The following NT5C2 variants were observed in gnomAD, a reference collection of about 807,000 sequenced individuals.
NT5C2 encodes the protein 5'-nucleotidase, cytosolic II.
Under a neutral mutation model 76.1 loss-of-function variants are expected in NT5C2, and 58 were observed. The observed-to-expected ratio is 0.76, with a 90% CI of 0.62 to 0.95. The LOEUF is 0.95. NT5C2 is among the 40% of genes least tolerant of loss of function. NT5C2 has a pLI of 0.00. For synonymous variants in NT5C2, 229 were observed against 237.4 expected (o/e 0.96, Z 0.32); for missense variants, 478 against 690.3 (o/e 0.69, Z 3.45).
intron 3 of NT5C2, among the ~76,000 whole-genome samples, chr10:103,150,960 T>C (rs940381842): frequency 6.6e-6 from 1 of 152,212 alleles, no homozygotes; most frequent in African/African-American, 2.4e-5. Context: ...ATTTTTTAAA[T>C]TTTGATGAAG....
chr10:103,171,845 G>T (rs1210498559), intron 3 of NT5C2, among the ~76,000 whole-genome samples: 1 of 151,976 alleles, frequency 6.6e-6, no homozygotes, highest in Admixed American at 6.6e-5. Context: ...GAATGCTTGA[G>T]CCCAGGCATT....
chr10:103,101,010 T>C (rs1269216879), intron 8 of NT5C2, 35 bp downstream of exon 8: 22 of 1,160,574 alleles, frequency 1.9e-5, no homozygotes, highest in Non-Finnish European at 2.8e-5. Flanking sequence ...ATTTTAAAAA[T>C]CAATTGGAAA....
At chr10:103,104,599 ACTGGC>A (rs1306347043) in intron 6 of NT5C2, among the ~76,000 whole-genome samples, 2 of 152,194 alleles carry the variant, frequency 1.3e-5, no homozygotes, top group African/African-American at 4.8e-5. Context: ...GGATGTAATC[ACTGGC>A]CTGCTCAGAT....
chr10:103,153,649 C>T (rs2082792465), intron 3 of NT5C2: 1 of 985,228 alleles, frequency 1.0e-6, no homozygotes, highest in South Asian at 4.7e-5. Flanking sequence ...ACAGAAAAAG[C>T]AAATTTACCC....
chr10:103,161,890 C>T (rs1033624803), intron 3 of NT5C2, among the ~76,000 whole-genome samples: 1 of 152,006 alleles, frequency 6.6e-6, no homozygotes, highest in Non-Finnish European at 1.5e-5. Context: ...GAGAGGGAAA[C>T]GTGGAGTGGA....
At chr10:103,127,918 T>C (rs2076974582) in intron 4 of NT5C2, among the ~76,000 whole-genome samples, 1 of 152,060 alleles carries the variant, frequency 6.6e-6, no homozygotes, top group South Asian at 2.1e-4. Context: ...GGTCTGGAAC[T>C]CCTGACCTCA....
chr10:103,139,505 T>A (rs376982566), intron 3 of NT5C2, 26 bp from the exon 4 acceptor site: 2 of 1,378,130 alleles, frequency 1.5e-6, no homozygotes, highest in Non-Finnish European at 1.0e-6. Context: ...AAAAATAATA[T>A]CTCAACACTG....
intron 4 of NT5C2, among the ~76,000 whole-genome samples, chr10:103,110,687 T>G (rs764704297): frequency 1.3e-5 from 2 of 152,234 alleles, no homozygotes; most frequent in Non-Finnish European, 1.5e-5. Flanking sequence ...CATCAAGCTC[T>G]ATTAATCAGT....
At chr10:103,187,955 G>C (rs1415074841) in intron 1 of NT5C2, among the ~76,000 whole-genome samples, 2 of 152,162 alleles carry the variant, frequency 1.3e-5, no homozygotes, top group Non-Finnish European at 2.9e-5. Context: ...CCCAAAATCA[G>C]AGCATAACAA....
At chr10:103,108,136 C>T (rs1261562526) in intron 4 of NT5C2, among the ~76,000 whole-genome samples, 1 of 151,986 alleles carries the variant, frequency 6.6e-6, no homozygotes, top group Admixed American at 6.6e-5. Flanking sequence ...GCCTTGGCGA[C>T]AGAGTGAGAC....
intron 3 of NT5C2, among the ~76,000 whole-genome samples, chr10:103,145,698 CTAAG>C (rs1398984310): frequency 6.6e-6 from 1 of 152,162 alleles, no homozygotes; most frequent in African/African-American, 2.4e-5. Context: ...TTCCAACATA[CTAAG>C]TCTTTGTAAG....
intron 3 of NT5C2, among the ~76,000 whole-genome samples, chr10:103,170,810 A>C (rs960132443): frequency 1.3e-5 from 2 of 152,104 alleles, no homozygotes; most frequent in Non-Finnish European, 2.9e-5. Flanking sequence ...TACAGGCGTG[A>C]ACCACCATGC....
At chr10:103,183,262 G>GATATATAGAT (rs2091429374) in intron 1 of NT5C2, among the ~76,000 whole-genome samples, 1 of 73,344 alleles carries the variant, frequency 1.4e-5, no homozygotes, top group African/African-American at 6.5e-5. Context: ...GTGTGTGTGT[G>GATATATAGAT]ATATATATAT....
At chr10:103,161,858 A>G (rs1166348055) in intron 3 of NT5C2, among the ~76,000 whole-genome samples, 20 of 152,214 alleles carry the variant, frequency 1.3e-4, no homozygotes, top group Admixed American at 1.3e-3. Flanking sequence ...AAAGTAAATT[A>G]GTGGCTGACA....
At chr10:103,178,276 A>T (rs575063734) in intron 2 of NT5C2, among the ~76,000 whole-genome samples, 54 of 152,352 alleles carry the variant, frequency 3.5e-4, no homozygotes, top group African/African-American at 1.3e-3. Context: ...GACCAGGCGC[A>T]GTGGCTCATG....
At chr10:103,143,610 T>TG (rs1189017213) in intron 3 of NT5C2, among the ~76,000 whole-genome samples, 1 of 133,070 alleles carries the variant, frequency 7.5e-6, no homozygotes, top group Admixed American at 7.7e-5. Flanking sequence ...CTATTTTTTT[T>TG]TTTTTTTTTT....
chr10:103,090,031 G>A (rs1400301700), intron 18 of NT5C2, 123 bp from the exon 19 acceptor site: 1 of 668,128 alleles, frequency 1.5e-6, no homozygotes, highest in Non-Finnish European at 2.4e-6. Flanking sequence ...CACAGGACAA[G>A]TCAATATAGA....
intron 12 of NT5C2, 101 bp downstream of exon 12, chr10:103,095,838 T>A (rs1005510215): frequency 2.2e-5 from 22 of 1,015,460 alleles, no homozygotes; most frequent in Non-Finnish European, 3.2e-5. Flanking sequence ...GTAGGACTTT[T>A]CTGGGTGGGT....
chr10:103,147,078 ATAAACG>A (rs2081599717), intron 3 of NT5C2, among the ~76,000 whole-genome samples: 1 of 152,208 alleles, frequency 6.6e-6, no homozygotes, highest in Non-Finnish European at 1.5e-5. Flanking sequence ...TTTTTATTTT[ATAAACG>A]TGTCCATTTG....
Sources: gnomAD v4.1 joint callset for allele counts (sites outside exome capture counted in the v4.1 genomes callset) on GRCh38, gnomAD v4.1.1 for gene constraint, MANE v1.5 for transcripts, NCBI Gene and HGNC (gene_info 2026-07-23, HGNC 2026-07-21) for gene names.